Variants in KHDRBS2 observed in about 807,000 individuals in gnomAD.
The protein encoded by KHDRBS2 is KH domain-containing, RNA-binding, signal transduction-associated protein 2.
Under a neutral mutation model 44.3 loss-of-function variants are expected in KHDRBS2, and 26 were observed. The observed-to-expected ratio is 0.59, with a 90% CI of 0.43 to 0.81. The LOEUF is 0.81. Among genes scored for constraint, KHDRBS2 ranks in the 40% least tolerant of loss-of-function variants. The pLI, the probability that KHDRBS2 is intolerant of heterozygous loss-of-function variation, is 0.00. For missense variants in KHDRBS2, 476 were observed against 433.1 expected (o/e 1.10, Z -0.88); for synonymous variants, 194 against 151.1 (o/e 1.28, Z -2.08).
At chr6:61,825,164 G>T (rs768667637) in intron 6 of KHDRBS2, among the ~76,000 whole-genome samples, 1 of 152,068 alleles carries the variant, frequency 6.6e-6, no homozygotes. Context: ...GTCTGAAAAT[G>T]AAACTAATTT....
At chr6:61,698,101 T>C (rs1443743083) in intron 7 of KHDRBS2, among the ~76,000 whole-genome samples, 1 of 152,180 alleles carries the variant, frequency 6.6e-6, no homozygotes, top group Non-Finnish European at 1.5e-5. Context: ...CTTGACAAGA[T>C]CTTAACATTT....
chr6:62,194,915 G>A (rs529846810), intron 1 of KHDRBS2, among the ~76,000 whole-genome samples: 208 of 151,970 alleles, frequency 1.4e-3, no homozygotes, highest in African/African-American at 4.9e-3. Context: ...TGTGATTTTA[G>A]GTCCCTTGGA....
At chr6:61,646,350 C>T in the KHDRBS2 span, among the ~76,000 whole-genome samples, 172 of 152,278 alleles carry the variant, frequency 1.1e-3, 1 homozygote, top group Non-Finnish European at 2.0e-3. Flanking sequence ...GTCCAGATCC[C>T]TTGGCTCCCA....
the KHDRBS2 span, among the ~76,000 whole-genome samples, chr6:61,591,096 C>T: frequency 6.6e-6 from 1 of 152,114 alleles, no homozygotes. Context: ...AGAATGAAAT[C>T]ACAACAATTG....
chr6:61,662,248 C>T, the KHDRBS2 span, among the ~76,000 whole-genome samples: 2 of 151,956 alleles, frequency 1.3e-5, no homozygotes, highest in African/African-American at 4.8e-5. Context: ...AAAATTAATT[C>T]GAGATGGATT....
At chr6:61,690,594 C>G (rs907630932) in intron 8 of KHDRBS2, among the ~76,000 whole-genome samples, 2 of 151,988 alleles carry the variant, frequency 1.3e-5, no homozygotes, top group African/African-American at 4.8e-5. Flanking sequence ...GTTCAACACA[C>G]AATTGTTCAA....
At chr6:61,638,431 T>C in the KHDRBS2 span, among the ~76,000 whole-genome samples, 2 of 152,054 alleles carry the variant, frequency 1.3e-5, no homozygotes, top group East Asian at 3.9e-4. Flanking sequence ...TAATAAATGG[T>C]GCTGGGAAAA....
chr6:61,910,777 T>C (rs1363645124), intron 4 of KHDRBS2, among the ~76,000 whole-genome samples: 2 of 152,190 alleles, frequency 1.3e-5, no homozygotes, highest in East Asian at 1.9e-4. Context: ...TTCAGGATAG[T>C]AGATAAATGT....
At chr6:61,933,849 A>G (rs1462268932) in intron 4 of KHDRBS2, among the ~76,000 whole-genome samples, 1 of 152,152 alleles carries the variant, frequency 6.6e-6, no homozygotes, top group African/African-American at 2.4e-5. Flanking sequence ...TGGTAGTTCT[A>G]TTTTTAAGTT....
chr6:62,245,248 C>T (rs1406911834), intron 1 of KHDRBS2, among the ~76,000 whole-genome samples: 1 of 152,048 alleles, frequency 6.6e-6, no homozygotes, highest in African/African-American at 2.4e-5. Context: ...TTTTGGTTGT[C>T]TTTCCAGTAT....
At chr6:62,006,967 T>C (rs964996600) in intron 3 of KHDRBS2, among the ~76,000 whole-genome samples, 2 of 152,034 alleles carry the variant, frequency 1.3e-5, no homozygotes, top group African/African-American at 4.8e-5. Flanking sequence ...GTTAAAAAAA[T>C]TTCAGGTCAT....
At chr6:61,902,041 C>T (rs549643954) in intron 4 of KHDRBS2, among the ~76,000 whole-genome samples, 12 of 152,234 alleles carry the variant, frequency 7.9e-5, no homozygotes, top group East Asian at 7.7e-4. Context: ...CTGCCGCCTC[C>T]GCTTCCCGGG....
intron 1 of KHDRBS2, among the ~76,000 whole-genome samples, chr6:62,261,187 T>A (rs1331626480): frequency 6.6e-6 from 1 of 151,922 alleles, no homozygotes; most frequent in Admixed American, 6.6e-5. Flanking sequence ...GATCTATAAT[T>A]GCTCCTTATT....
At chr6:61,861,708 T>G (rs987235797) in intron 6 of KHDRBS2, among the ~76,000 whole-genome samples, 13 of 151,698 alleles carry the variant, frequency 8.6e-5, no homozygotes, top group Admixed American at 2.6e-4. Context: ...TCTTTTGGAG[T>G]TCCATATGAA....
intron 3 of KHDRBS2, among the ~76,000 whole-genome samples, chr6:62,044,966 C>CCA: frequency 1.3e-5 from 2 of 152,150 alleles, no homozygotes; most frequent in East Asian, 3.9e-4. Context: ...GTTACATCCA[C>CCA]ATTGACATGT....
intron 2 of KHDRBS2, among the ~76,000 whole-genome samples, chr6:62,146,216 G>C (rs1813905693): frequency 6.6e-6 from 1 of 151,658 alleles, no homozygotes; most frequent in Non-Finnish European, 1.5e-5. Flanking sequence ...ATTGATTATT[G>C]TAAATTAATA....
At chr6:62,186,825 G>C (rs1823529097) in intron 1 of KHDRBS2, among the ~76,000 whole-genome samples, 1 of 151,732 alleles carries the variant, frequency 6.6e-6, no homozygotes, top group South Asian at 2.1e-4. Context: ...AACTTTAATG[G>C]GTTTCTTAAA....
intron 1 of KHDRBS2, among the ~76,000 whole-genome samples, chr6:62,205,060 C>T (rs1203026800): frequency 6.6e-6 from 1 of 151,996 alleles, no homozygotes; most frequent in East Asian, 1.9e-4. Context: ...AGCTTACTGC[C>T]AATTTTAAAA....
At chr6:62,234,961 T>C (rs948061654) in intron 1 of KHDRBS2, among the ~76,000 whole-genome samples, 1 of 151,858 alleles carries the variant, frequency 6.6e-6, no homozygotes, top group Non-Finnish European at 1.5e-5. Context: ...CTAGTATATC[T>C]AATTTTAAGT....
Sources: allele counts gnomAD v4.1 joint callset (sites outside exome capture counted in the v4.1 genomes callset), GRCh38; gene constraint gnomAD v4.1.1; transcripts MANE v1.5; gene names NCBI Gene and HGNC (gene_info 2026-07-23, HGNC 2026-07-21).